The following ADAMTSL1 variants were observed in gnomAD, a reference collection of about 807,000 sequenced individuals.
ADAMTSL1 encodes the protein ADAMTS like 1, also known as ADAMTS-like protein 1.
A neutral mutation model predicts 201.8 loss-of-function variants in ADAMTSL1; 126 were observed. The ratio of observed to expected loss-of-function variants is 0.62; its 90% CI spans 0.54 to 0.72. ADAMTSL1 has a LOEUF of 0.72. Ranked by LOEUF, ADAMTSL1 falls within the 30% of genes least tolerant of loss-of-function variation. The probability of loss-of-function intolerance (pLI) is 0.00; values close to 1 mark genes in which losing one functional copy is unlikely to be tolerated. For missense variants in ADAMTSL1, 2,679 were observed against 2,277.8 expected, an observed-to-expected ratio of 1.18 and a Z score of -3.59; for synonymous variants, 1,121 against 903.4, an observed-to-expected ratio of 1.24 and a Z score of -4.32.
At position 18,862,037 on chromosome 9, in the gene ADAMTSL1, T is replaced by G. The variant is rs115873520; in HGVS notation, c.4250-25794T>G. 5.2e-3 allele frequency among the ~76,000 whole-genome samples: 789 copies of G among 152,286 alleles called. 11 individuals carry two copies. The highest frequency in any genetic ancestry group is 0.018 in the African/African-American group (755 of 41,556). ...CCCCTGGTAGCTCCACCCCCACTGC[T>G]CACCGTGGAATTCCTAGTCAGCAGC... is the stretch of plus-strand genomic sequence containing the variant. On this transcript the variant is annotated intron_variant, in intron 23 of 28. Transcript: ENST00000380548.
intron 2 of ADAMTSL1, among the ~76,000 whole-genome samples, chr9:18,414,844 G>T (rs1489469821): frequency 6.6e-6 from 1 of 152,148 alleles, no homozygotes; most frequent in African/African-American, 2.4e-5. Flanking sequence ...ATCAGTAAAA[G>T]AACTCCTCAA....
At chr9:18,243,590 C>G (rs1587384261) in intron 2 of ADAMTSL1, among the ~76,000 whole-genome samples, 1 of 152,030 alleles carries the variant, frequency 6.6e-6, no homozygotes, top group East Asian at 1.9e-4. Flanking sequence ...TATGTTCATC[C>G]TGCCTTTCCC....
chr9:18,429,575 C>T (rs1018571878), intron 2 of ADAMTSL1, among the ~76,000 whole-genome samples: 1 of 151,942 alleles, frequency 6.6e-6, no homozygotes, highest in Non-Finnish European at 1.5e-5. Context: ...CCAGGATTCC[C>T]TCAATCCTGG....
At chr9:18,718,358 A>G in intron 14 of ADAMTSL1, 1 of 726,884 alleles carries the variant, frequency 1.4e-6, no homozygotes, top group South Asian at 1.4e-5. Context: ...TTCCTGCAGT[A>G]TCCAAGATTG....
At chr9:18,816,399 G>A (rs1823850287) in intron 20 of ADAMTSL1, among the ~76,000 whole-genome samples, 1 of 151,992 alleles carries the variant, frequency 6.6e-6, no homozygotes. Context: ...ACCACACCCG[G>A]TTAATTTTTG....
At chr9:18,805,827 T>C (rs761706278) in intron 20 of ADAMTSL1, among the ~76,000 whole-genome samples, 3 of 152,182 alleles carry the variant, frequency 2.0e-5, no homozygotes, top group Non-Finnish European at 4.4e-5. Flanking sequence ...TCAAACCTGT[T>C]TGCTGTTCGT....
At chr9:18,648,364 AT>A (rs1422530691) in intron 7 of ADAMTSL1, among the ~76,000 whole-genome samples, 3 of 151,118 alleles carry the variant, frequency 2.0e-5, no homozygotes, top group Non-Finnish European at 4.4e-5. Flanking sequence ...GTGTCTTTTA[AT>A]TGGCGCATTT....
At chr9:18,529,288 T>G (rs1419190838) in intron 2 of ADAMTSL1, among the ~76,000 whole-genome samples, 2 of 152,240 alleles carry the variant, frequency 1.3e-5, no homozygotes, top group Non-Finnish European at 2.9e-5. Context: ...AGAAGTAGTT[T>G]ATAAACTGAT....
chr9:18,591,976 T>G (rs1483445123), intron 4 of ADAMTSL1, among the ~76,000 whole-genome samples: 1 of 152,182 alleles, frequency 6.6e-6, no homozygotes, highest in Non-Finnish European at 1.5e-5. Flanking sequence ...ACTTTTGAAG[T>G]GTTGGTTGTG....
At chr9:18,400,665 T>C (rs947903458) in intron 2 of ADAMTSL1, among the ~76,000 whole-genome samples, 10 of 152,226 alleles carry the variant, frequency 6.6e-5, no homozygotes, top group African/African-American at 2.4e-4. Context: ...AACCCTCAGC[T>C]TAAAATGTGT....
At chr9:18,841,218 C>A (rs971233903) in intron 23 of ADAMTSL1, among the ~76,000 whole-genome samples, 2 of 152,062 alleles carry the variant, frequency 1.3e-5, no homozygotes, top group African/African-American at 4.8e-5. Context: ...CCCATTAATA[C>A]CTAATTTATT....
At chr9:18,440,683 A>G (rs1379620791) in intron 2 of ADAMTSL1, among the ~76,000 whole-genome samples, 2 of 151,782 alleles carry the variant, frequency 1.3e-5, no homozygotes, top group Non-Finnish European at 2.9e-5. Context: ...AATTACCGCA[A>G]TTTTAATATG....
At chr9:18,691,212 A>G (rs1831195382) in intron 13 of ADAMTSL1, among the ~76,000 whole-genome samples, 1 of 152,218 alleles carries the variant, frequency 6.6e-6, no homozygotes, top group Non-Finnish European at 1.5e-5. Context: ...CATATATCAG[A>G]ATTGCATCTA....
At chr9:17,937,940 GA>G (rs1469168341) in intron 1 of ADAMTSL1, among the ~76,000 whole-genome samples, 2 of 152,176 alleles carry the variant, frequency 1.3e-5, no homozygotes, top group Non-Finnish European at 2.9e-5. Flanking sequence ...GAAGTATGAG[GA>G]GGGGGGAAGG....
chr9:18,400,664 C>T (rs1817952076), intron 2 of ADAMTSL1, among the ~76,000 whole-genome samples: 1 of 152,186 alleles, frequency 6.6e-6, no homozygotes. Context: ...AAACCCTCAG[C>T]TTAAAATGTG....
intron 1 of ADAMTSL1, among the ~76,000 whole-genome samples, chr9:18,009,825 ATTC>A (rs2131553193): frequency 6.6e-6 from 1 of 152,138 alleles, no homozygotes; most frequent in African/African-American, 2.4e-5. Context: ...TCACGAAGCA[ATTC>A]TGCTTGTTCT....
intron 1 of ADAMTSL1, among the ~76,000 whole-genome samples, chr9:18,084,367 C>G (rs970675192): frequency 6.6e-6 from 1 of 151,014 alleles, no homozygotes; most frequent in Non-Finnish European, 1.5e-5. Context: ...ACTAAAAATG[C>G]AAAAATTAGC....
intron 1 of ADAMTSL1, among the ~76,000 whole-genome samples, chr9:18,120,487 C>T (rs963259287): frequency 6.6e-6 from 1 of 152,170 alleles, no homozygotes; most frequent in African/African-American, 2.4e-5. Context: ...ACCACAGCCA[C>T]ATGGAACTTT....
chr9:18,227,223 T>C (rs964740352), intron 2 of ADAMTSL1, among the ~76,000 whole-genome samples: 18 of 152,192 alleles, frequency 1.2e-4, no homozygotes, highest in African/African-American at 4.1e-4. Flanking sequence ...GCTTATGTTC[T>C]GCATTGTCGT....
Sources: gnomAD v4.1 joint callset for allele counts (sites outside exome capture counted in the v4.1 genomes callset) on GRCh38, gnomAD v4.1.1 for gene constraint, MANE v1.5 for transcripts, NCBI Gene and HGNC (gene_info 2026-07-23, HGNC 2026-07-21) for gene names.